The following RGS6 variants were observed in gnomAD, a reference collection of about 807,000 sequenced individuals.
RGS6 encodes regulator of G protein signaling 6, also known as regulator of G-protein signaling 6.
A neutral mutation model predicts 78.5 loss-of-function variants in RGS6; 30 were observed. The observed-to-expected ratio is 0.38, with a 90% CI of 0.29 to 0.52. The LOEUF is 0.52. Ranked by LOEUF, RGS6 falls within the 20% of genes least tolerant of loss-of-function variation. RGS6 has a pLI of 0.85. For missense variants in RGS6, 495 were observed against 609.7 expected (o/e 0.81, Z 1.98); for synonymous variants, 206 against 206.0 (o/e 1.00, Z 0.00).
At chr14:72,119,574 A>G (rs2095996233) in intron 2 of RGS6, among the ~76,000 whole-genome samples, 1 of 152,246 alleles carries the variant, frequency 6.6e-6, no homozygotes, top group South Asian at 2.1e-4. Flanking sequence ...TAGGAAAATA[A>G]CAGTCATATA....
chr14:72,291,305 A>T (rs1220873244), intron 2 of RGS6, among the ~76,000 whole-genome samples: 1 of 151,492 alleles, frequency 6.6e-6, no homozygotes, highest in Non-Finnish European at 1.5e-5. Flanking sequence ...TTTCAACCAG[A>T]CTGTCCTTTT....
At chr14:72,130,820 A>G (rs760028112) in intron 2 of RGS6, among the ~76,000 whole-genome samples, 2 of 152,172 alleles carry the variant, frequency 1.3e-5, no homozygotes, top group Non-Finnish European at 2.9e-5. Flanking sequence ...AGCTAATGCT[A>G]TGTCTTACGT....
At chr14:72,071,332 G>A (rs2094400993) in intron 2 of RGS6, among the ~76,000 whole-genome samples, 1 of 152,112 alleles carries the variant, frequency 6.6e-6, no homozygotes, top group Admixed American at 6.5e-5. Flanking sequence ...TTTTGCTATT[G>A]GAGTTTTCCA....
chr14:71,989,446 A>G (rs1188105847), intron 2 of RGS6, among the ~76,000 whole-genome samples: 3 of 152,226 alleles, frequency 2.0e-5, no homozygotes, highest in Admixed American at 6.5e-5. Flanking sequence ...CGGTGATAAT[A>G]TCGACTTCCA....
At chr14:72,281,189 T>G (rs1297614565) in intron 2 of RGS6, among the ~76,000 whole-genome samples, 5 of 142,372 alleles carry the variant, frequency 3.5e-5, no homozygotes, top group African/African-American at 1.3e-4. Context: ...CGCTCTGTCA[T>G]CCAGGCTGGG....
chr14:72,036,678 C>G (rs1345457088), intron 2 of RGS6, among the ~76,000 whole-genome samples: 2 of 152,096 alleles, frequency 1.3e-5, no homozygotes, highest in South Asian at 4.1e-4. Context: ...ACTGCTTGTT[C>G]TCTCAATATT....
Position 72,474,506 on chromosome 14 carries a change from A to G in RGS6, c.619-119A>G. On this transcript the variant is annotated intron_variant, in intron 9 of 17. Coordinates refer to ENST00000553525, the MANE Select transcript of RGS6 (RefSeq NM_001204424.2). ...GCATATTATGGCAAAATGGAAAAAAAAATCATGCATTGTCTGTAATGGAAA... is the reference window on the plus strand; with the variant it reads ...GCATATTATGGCAAAATGGAAAAAAGAATCATGCATTGTCTGTAATGGAAA... 11 of 922,646 alleles carry G rather than the reference A, an allele frequency of 1.2e-5. No homozygotes were observed. The South Asian group carries it at 1.9e-4, about 16-fold the overall frequency. The allele number at this position is 922,646 out of a possible 1,614,324, so 57.2% of individuals were successfully genotyped here.
intron 17 of RGS6, among the ~76,000 whole-genome samples, chr14:72,544,497 G>C (rs576549607): frequency 6.6e-6 from 1 of 152,182 alleles, no homozygotes; most frequent in Non-Finnish European, 1.5e-5. Flanking sequence ...AGCACTGGAG[G>C]CCACGGAGGA....
At chr14:72,288,194 T>A (rs2062935260) in intron 2 of RGS6, among the ~76,000 whole-genome samples, 1 of 152,192 alleles carries the variant, frequency 6.6e-6, no homozygotes, top group South Asian at 2.1e-4. Context: ...TTTGGTAGAA[T>A]TTGCCAGTGA....
At chr14:72,205,542 C>T (rs2042521120) in intron 2 of RGS6, among the ~76,000 whole-genome samples, 1 of 152,130 alleles carries the variant, frequency 6.6e-6, no homozygotes, top group South Asian at 2.1e-4. Context: ...TGTTCTGAGC[C>T]ATCATATATT....
chr14:72,447,948 C>T (rs1022972207), intron 3 of RGS6, among the ~76,000 whole-genome samples: 2 of 152,168 alleles, frequency 1.3e-5, no homozygotes, highest in Non-Finnish European at 2.9e-5. Flanking sequence ...AGGTGATCCA[C>T]CCACCTCGGC....
chr14:72,591,158 C>T, the RGS6 span, among the ~76,000 whole-genome samples: 1 of 151,902 alleles, frequency 6.6e-6, no homozygotes, highest in Non-Finnish European at 1.5e-5. Context: ...TCCTTTTTTC[C>T]AAATTTCCTG....
chr14:72,609,675 G>A, the RGS6 span, among the ~76,000 whole-genome samples: 358 of 152,308 alleles, frequency 2.4e-3, 5 homozygotes, highest in East Asian at 0.048. Flanking sequence ...TACAGAGACC[G>A]CAACCACATC....
At chr14:72,530,069 G>A (rs1254280433) in intron 15 of RGS6, among the ~76,000 whole-genome samples, 1 of 152,192 alleles carries the variant, frequency 6.6e-6, no homozygotes, top group African/African-American at 2.4e-5. Context: ...TCATGAACCA[G>A]GCTTTTCCCT....
At chr14:72,009,590 T>C (rs1038129871) in intron 2 of RGS6, among the ~76,000 whole-genome samples, 1 of 152,226 alleles carries the variant, frequency 6.6e-6, no homozygotes, top group African/African-American at 2.4e-5. Flanking sequence ...AATAATATTA[T>C]ATGAGTCCTG....
intron 2 of RGS6, among the ~76,000 whole-genome samples, chr14:72,319,351 T>C: frequency 7.7e-6 from 1 of 129,318 alleles, no homozygotes; most frequent in African/African-American, 3.3e-5. Context: ...AAGGGGGAAA[T>C]TTTTTTTTTT....
chr14:71,896,896 C>T, the RGS6 span, among the ~76,000 whole-genome samples: 1 of 152,284 alleles, frequency 6.6e-6, no homozygotes, highest in East Asian at 1.9e-4. Context: ...CTTCATCTAC[C>T]TGTAAGTAGT....
chr14:72,382,038 GCCATTCTTCTGCATAGCTTTTT>G (rs1276849739), intron 3 of RGS6, among the ~76,000 whole-genome samples: 3 of 151,478 alleles, frequency 2.0e-5, no homozygotes, highest in Non-Finnish European at 4.4e-5. Flanking sequence ...TTCTTAAAAA[GCCATTCTTCTGCATAGCTTTTT>G]AAGTTGAAAT....
chr14:71,887,316 C>T, the RGS6 span, among the ~76,000 whole-genome samples: 1 of 152,062 alleles, frequency 6.6e-6, no homozygotes, highest in Non-Finnish European at 1.5e-5. Context: ...GAAGTCAGCG[C>T]ACCTTGTAAA....
Sources: gnomAD v4.1 joint callset for allele counts (sites outside exome capture counted in the v4.1 genomes callset) on GRCh38, gnomAD v4.1.1 for gene constraint, MANE v1.5 for transcripts, NCBI Gene and HGNC (gene_info 2026-07-23, HGNC 2026-07-21) for gene names.